CHST7: variants seen among roughly 807,000 people sequenced by gnomAD.
CHST7 encodes carbohydrate sulfotransferase 7, also known as N-acetylglucosamine 6-O-sulfotransferase 4.
A neutral mutation model predicts 9.0 loss-of-function variants in CHST7; 5 were observed. That is an observed-to-expected ratio of 0.56 (90% CI 0.29 to 1.17). The LOEUF is 1.17. CHST7 is among the 50% of genes most tolerant of loss of function. The probability of loss-of-function intolerance (pLI) is 0.08; values close to 1 mark genes in which losing one functional copy is unlikely to be tolerated. For missense variants in CHST7, 377 were observed against 485.1 expected (o/e 0.78, Z 2.09); for synonymous variants, 244 against 237.1 (o/e 1.03, Z -0.27).
chrX:46,595,597 G>T (rs1256843885), intron 1 of CHST7, among the ~76,000 whole-genome samples: 1 of 110,197 alleles, frequency 9.1e-6, no homozygotes, highest in Non-Finnish European at 1.9e-5. Context: ...GCTTTTTTGT[G>T]TGTGTCTGTC....
At chrX:46,584,411 C>T (rs763252003) in intron 1 of CHST7, among the ~76,000 whole-genome samples, 1 of 65,885 alleles carries the variant, frequency 1.5e-5, no homozygotes, top group African/African-American at 1.0e-4. Context: ...GTGGCACATG[C>T]CTATAATCCC....
At chrX:46,580,423 A>C (rs1055190638) in intron 1 of CHST7, among the ~76,000 whole-genome samples, 3 of 111,338 alleles carry the variant, frequency 2.7e-5, no homozygotes, top group African/African-American at 9.8e-5. Context: ...TTATCTTCAG[A>C]CTCCTAATAG....
chrX:46,574,011 TCG>T lies in CHST7; in HGVS notation c.81_82del (p.Val28ProfsTer94). ...GTGCTGTACACGCTGGTGCTGTTGC[TCG>T]TCCCCTCCGTATTGGACGGCGGCCG... is the stretch of plus-strand genomic sequence containing the variant. On this transcript the variant is annotated frameshift_variant, in exon 1 of 2. Coordinates refer to ENST00000276055, the MANE Select transcript of CHST7 (RefSeq NM_019886.4). LOFTEE classifies it high-confidence loss of function. 8.6e-7 allele frequency: 1 copy of T among 1,160,050 alleles called. No homozygotes were observed. The highest frequency in any genetic ancestry group is 1.1e-6 in the Non-Finnish European group (1 of 875,186).
Position 46,574,201 on chromosome X carries a change from CG to C in CHST7, c.272del (p.Gly91AlafsTer181). The C allele has an allele frequency of 8.3e-7, 1 of 1,203,367 alleles. No homozygotes were observed. Among genetic ancestry groups the C allele is most frequent in the Non-Finnish European group, 1.1e-6 (1 of 890,499 alleles). ...QSPRFPSNLS[G>X]AVGEAVSREK... ...CTCCTCGGTTCCCAAGCAACCTCAG[CG>C]GCGCTGTCGGGGAGGCAGTGTCTCG... On this transcript the variant is annotated frameshift_variant, in exon 1 of 2. Coordinates refer to ENST00000276055, the MANE Select transcript of CHST7 (RefSeq NM_019886.4). LOFTEE classifies it high-confidence loss of function.
At chrX:46,590,413 C>CA (rs1602111106) in intron 1 of CHST7, among the ~76,000 whole-genome samples, 1 of 109,969 alleles carries the variant, frequency 9.1e-6, no homozygotes, top group Admixed American at 9.7e-5. Context: ...CCCGTCTCTA[C>CA]AAAAAAATAA....
intron 1 of CHST7, among the ~76,000 whole-genome samples, chrX:46,584,306 G>A (rs1207506716): frequency 9.0e-6 from 1 of 110,905 alleles, no homozygotes; most frequent in African/African-American, 3.3e-5. Flanking sequence ...GGGAAGCCAA[G>A]GCAGGCAGAT....
rs374354748 is a variant in CHST7 at position 46,575,312 on chromosome X, C to T, written c.1381C>T (p.Arg461Cys). ...APAMRLLAYP[R>C]SGEEGDAEQP... ...AGCCATGCGTCTGCTCGCCTACCCTCGCAGCGGAGAGGAGGGCGACGCGGA... is the reference window on the plus strand; with the variant it reads ...AGCCATGCGTCTGCTCGCCTACCCTTGCAGCGGAGAGGAGGGCGACGCGGA... Residue 461 changes from arginine (R) to cysteine (C), a missense_variant, in exon 1 of 2, where the codon CGC becomes TGC. Physicochemically the swap from Arg to Cys is radical, Grantham distance 180. Coordinates refer to ENST00000276055, the MANE Select transcript of CHST7 (RefSeq NM_019886.4). The T allele has an allele frequency of 2.7e-6, 3 of 1,101,985 alleles. No individual in the cohort carries two copies. The highest frequency in any genetic ancestry group is 3.5e-6 in the Non-Finnish European group (3 of 846,953). The allele number at this position is 1,101,985 out of a possible 1,213,427, so 90.8% of individuals were successfully genotyped here.
At chrX:46,582,188 G>A (rs1450440899) in intron 1 of CHST7, among the ~76,000 whole-genome samples, 1 of 111,427 alleles carries the variant, frequency 9.0e-6, no homozygotes, top group Admixed American at 9.6e-5. Context: ...CATACTGTAG[G>A]GCATTTAGTT....
intron 1 of CHST7, among the ~76,000 whole-genome samples, chrX:46,596,113 G>A (rs1942592511): frequency 1.9e-5 from 2 of 107,831 alleles, no homozygotes; most frequent in African/African-American, 6.8e-5. Context: ...ACTCCAGCCT[G>A]GGTGACAGAG....
At chrX:46,581,119 C>T (rs946763560) in intron 1 of CHST7, among the ~76,000 whole-genome samples, 39 of 107,210 alleles carry the variant, frequency 3.6e-4, no homozygotes, top group Non-Finnish European at 6.9e-4. Flanking sequence ...CCTGTAGTCC[C>T]AGCTACGCGG....
intron 1 of CHST7, among the ~76,000 whole-genome samples, chrX:46,587,624 T>A (rs1276004583): frequency 8.9e-6 from 1 of 112,190 alleles, no homozygotes; most frequent in East Asian, 2.8e-4. Context: ...ACATTTTGCT[T>A]TGGAGTCACA....
intron 1 of CHST7, among the ~76,000 whole-genome samples, chrX:46,590,101 A>G (rs933300093): frequency 2.7e-5 from 3 of 111,670 alleles, no homozygotes; most frequent in Non-Finnish European, 5.6e-5. Flanking sequence ...TACTCTCCAT[A>G]AAAGTTTGTT....
chrX:46,597,332 T>C (rs1437535148), intron 1 of CHST7, among the ~76,000 whole-genome samples: 3 of 112,266 alleles, frequency 2.7e-5, no homozygotes, highest in East Asian at 5.6e-4. Flanking sequence ...CTCAGTTTTA[T>C]AGAATCGTCA....
At position 46,574,319 on chromosome X, in the gene CHST7, T is replaced by G. The variant is rs373483256; in HGVS notation, c.388T>G (p.Leu130Val). Residue 130 changes from leucine to valine, a missense_variant, in exon 1 of 2, where the codon TTG (leucine) becomes GTG (valine). This residue lies in a region of CHST7 where 239 missense variants were observed against 325.7 expected (regional missense o/e 0.73). Transcript: ENST00000276055. ...TAACCAGCACCCGGACGTTTTCTAC[T>G]TGTATGAGCCCATGTGGCATCTATG... ...LFNQHPDVFY[L>V]YEPMWHLWQA... The G allele has an allele frequency of 5.1e-5, 62 of 1,209,442 alleles. No individual in the cohort carries two copies. The Admixed American group carries it at 1.3e-3, about 26-fold the overall frequency.
At chrX:46,595,982 A>G (rs921282591) in intron 1 of CHST7, among the ~76,000 whole-genome samples, 19 of 110,169 alleles carry the variant, frequency 1.7e-4, no homozygotes, top group African/African-American at 5.6e-4. Flanking sequence ...TACTAAAAAT[A>G]CACAAATTAG....
intron 1 of CHST7, among the ~76,000 whole-genome samples, chrX:46,576,919 T>A (rs1296636854): frequency 8.9e-6 from 1 of 111,983 alleles, no homozygotes; most frequent in Non-Finnish European, 1.9e-5. Context: ...TGTTCTTTCC[T>A]GATTTCCAGA....
At chrX:46,595,153 T>C (rs1363102605) in intron 1 of CHST7, among the ~76,000 whole-genome samples, 4 of 112,761 alleles carry the variant, frequency 3.5e-5, no homozygotes, top group Admixed American at 2.8e-4. Context: ...GCTTCAAGTG[T>C]GTTTGTAATG....
chrX:46,575,388 C>G lies in CHST7; in HGVS notation c.1457C>G (p.Thr486Arg). The G allele has an allele frequency of 1.9e-6, 2 of 1,039,251 alleles. No homozygotes were observed. Among genetic ancestry groups the G allele is most frequent in the South Asian group, 5.7e-5 (2 of 34,851 alleles). 85.6% of individuals were successfully genotyped at this position (1,039,251 alleles called of 1,213,427 possible). ...TPLEMDADGAT is the reference protein window; with the variant it reads ...TPLEMDADGAR ...CTGGAGATGGATGCCGACGGCGCCA[C>G]GTAGCCTCCCATCCCTGTCCCCGGC... Residue 486 changes from threonine (T) to arginine (R), a missense_variant, in exon 1 of 2, where the codon ACG (threonine) becomes AGG (arginine). Around this residue, in one of 3 missense-constraint regions of CHST7, gnomAD observed 8 missense variants for 24.5 expected, o/e 0.33. Transcript: ENST00000276055.
In CHST7 at chrX:46,574,200, G is replaced by T; in HGVS notation, c.269G>T (p.Ser90Ile). The T allele has an allele frequency of 1.7e-6, 2 of 1,203,748 alleles. No individual in the cohort carries two copies. The highest frequency in any genetic ancestry group is 2.2e-6 in the Non-Finnish European group (2 of 890,649). ...NQSPRFPSNLSGAVGEAVSRE... is the reference protein window; with the variant it reads ...NQSPRFPSNLIGAVGEAVSRE... ...TCTCCTCGGTTCCCAAGCAACCTCA[G>T]CGGCGCTGTCGGGGAGGCAGTGTCT... is the stretch of plus-strand genomic sequence containing the variant. Residue 90 changes from serine (S) to isoleucine (I), a missense_variant, in exon 1 of 2, where the codon AGC (serine) becomes ATC (isoleucine). Coordinates refer to ENST00000276055, the MANE Select transcript of CHST7 (RefSeq NM_019886.4).
Sources: allele counts gnomAD v4.1 joint callset (sites outside exome capture counted in the v4.1 genomes callset), GRCh38; gene constraint gnomAD v4.1.1; regional missense constraint gnomAD v4.1.1; transcripts MANE v1.5; gene names NCBI Gene and HGNC (gene_info 2026-07-23, HGNC 2026-07-21).